The following HCN1 variants were observed in gnomAD, a reference collection of about 807,000 sequenced individuals.
The protein encoded by HCN1 is potassium/sodium hyperpolarization-activated cyclic nucleotide-gated channel 1.
In HCN1, 13 loss-of-function variants were observed where a neutral mutation model predicts 78.9. The ratio of observed to expected loss-of-function variants is 0.16; its 90% confidence interval spans 0.11 to 0.26. HCN1 has a LOEUF of 0.26. Among genes scored for constraint, HCN1 ranks in the 10% least tolerant of loss-of-function variants. The pLI, the probability that HCN1 is intolerant of heterozygous loss-of-function variation, is 1.00. For synonymous variants in HCN1, 552 were observed against 455.5 expected, an observed-to-expected ratio of 1.21 and a Z score of -2.70; for missense variants, 810 against 1,154.3, an observed-to-expected ratio of 0.70 and a Z score of 4.32.
chr5:45,690,069 C>T (rs1580052079), intron 1 of HCN1, among the ~76,000 whole-genome samples: 2 of 151,920 alleles, frequency 1.3e-5, no homozygotes, highest in Non-Finnish European at 2.9e-5. Flanking sequence ...GAGTAAGGTG[C>T]GAAGATGTTT....
intron 1 of HCN1, among the ~76,000 whole-genome samples, chr5:45,660,505 T>A (rs993745507): frequency 6.6e-6 from 1 of 150,628 alleles, no homozygotes; most frequent in Non-Finnish European, 1.5e-5. Flanking sequence ...AAACACAGAC[T>A]GGCAAGTTGG....
At chr5:45,300,168 T>A (rs1330959417) in intron 6 of HCN1, among the ~76,000 whole-genome samples, 1 of 152,158 alleles carries the variant, frequency 6.6e-6, no homozygotes, top group East Asian at 1.9e-4. Context: ...TTGTGCATAA[T>A]AACACTTCAA....
chr5:45,337,836 A>T (rs1191567991), intron 5 of HCN1, among the ~76,000 whole-genome samples: 1 of 152,172 alleles, frequency 6.6e-6, no homozygotes, highest in East Asian at 1.9e-4. Context: ...TGAGATTTGA[A>T]CAATAAGAAT....
chr5:45,268,613 G>A (rs2111849163), intron 6 of HCN1, among the ~76,000 whole-genome samples: 1 of 152,282 alleles, frequency 6.6e-6, no homozygotes, highest in Admixed American at 6.5e-5. Context: ...CAAACTCTGA[G>A]AATACTAGAG....
At chr5:45,276,943 A>G (rs1304229030) in intron 6 of HCN1, among the ~76,000 whole-genome samples, 1 of 152,070 alleles carries the variant, frequency 6.6e-6, no homozygotes. Context: ...ACAGGTTCAA[A>G]GAAAGGTTTG....
chr5:45,415,438 T>C (rs1740100699), intron 3 of HCN1, among the ~76,000 whole-genome samples: 1 of 151,978 alleles, frequency 6.6e-6, no homozygotes, highest in Non-Finnish European at 1.5e-5. Flanking sequence ...TCCTGAGCAA[T>C]ACTGCTTAAC....
chr5:45,570,636 C>G (rs1743808480), intron 2 of HCN1, among the ~76,000 whole-genome samples: 1 of 152,058 alleles, frequency 6.6e-6, no homozygotes. Flanking sequence ...TTGTATCCAA[C>G]CTAATTTTTA....
At chr5:45,607,624 T>A (rs1367069179) in intron 2 of HCN1, among the ~76,000 whole-genome samples, 1 of 150,076 alleles carries the variant, frequency 6.7e-6, no homozygotes, top group Non-Finnish European at 1.5e-5. Context: ...TATATCTAGA[T>A]ATATCTAGAG....
intron 2 of HCN1, among the ~76,000 whole-genome samples, chr5:45,524,001 A>G (rs376261947): frequency 7.2e-5 from 11 of 152,056 alleles, no homozygotes; most frequent in Non-Finnish European, 1.5e-4. Context: ...TAGGTCTAAC[A>G]TTTAAGTCTT....
At chr5:45,550,484 C>A (rs563329212) in intron 2 of HCN1, among the ~76,000 whole-genome samples, 1 of 151,906 alleles carries the variant, frequency 6.6e-6, no homozygotes, top group African/African-American at 2.4e-5. Context: ...CATCACACAC[C>A]GGTGCCTATT....
At chr5:45,376,160 T>G (rs1747650572) in intron 4 of HCN1, among the ~76,000 whole-genome samples, 1 of 92,606 alleles carries the variant, frequency 1.1e-5, no homozygotes, top group Admixed American at 1.4e-4. Context: ...TAATATAATA[T>G]TTTATAATAT....
chr5:45,498,497 T>C (rs1273678064), intron 2 of HCN1, among the ~76,000 whole-genome samples: 1 of 152,194 alleles, frequency 6.6e-6, no homozygotes, highest in East Asian at 1.9e-4. Context: ...CTAACTTTTT[T>C]CAAAGTTTTC....
intron 2 of HCN1, among the ~76,000 whole-genome samples, chr5:45,617,742 T>A (rs1466411879): frequency 6.7e-6 from 1 of 150,136 alleles, no homozygotes; most frequent in African/African-American, 2.4e-5. Context: ...GGAGAAATGT[T>A]TTCATATTGT....
intron 6 of HCN1, among the ~76,000 whole-genome samples, chr5:45,279,209 T>C (rs1487388333): frequency 6.6e-6 from 1 of 152,154 alleles, no homozygotes; most frequent in Non-Finnish European, 1.5e-5. Context: ...AAACTACATA[T>C]TATCTTTTAT....
intron 2 of HCN1, among the ~76,000 whole-genome samples, chr5:45,504,658 C>G (rs1579936765): frequency 6.6e-6 from 1 of 152,208 alleles, no homozygotes; most frequent in South Asian, 2.1e-4. Flanking sequence ...AGTTCTAGAT[C>G]CTTGAGGAAT....
intron 2 of HCN1, among the ~76,000 whole-genome samples, chr5:45,496,854 C>T (rs1364290464): frequency 6.6e-6 from 1 of 152,128 alleles, no homozygotes; most frequent in Non-Finnish European, 1.5e-5. Flanking sequence ...GCATAAATTT[C>T]CCTCTACACA....
rs554905324 is a variant in HCN1 at position 45,461,634 on chromosome 5, AACATAT to A, written c.1011+206_1011+211del. On this transcript the variant is annotated intron_variant, in intron 3 of 7. Transcript: ENST00000303230. ...TAAAATATATAAAAGTAGATGTTGT[AACATAT>A]ACATACTCAGGAACATAGTCAATTA... Among the ~76,000 whole-genome samples the A allele has an allele frequency of 1.4e-3, 219 of 152,264 alleles. 1 individual carries two copies. The highest frequency in any genetic ancestry group is 0.012 in the South Asian group (57 of 4,826).
intron 6 of HCN1, among the ~76,000 whole-genome samples, chr5:45,294,358 G>A (rs1745443164): frequency 6.6e-6 from 1 of 151,922 alleles, no homozygotes; most frequent in Non-Finnish European, 1.5e-5. Context: ...TCCCTTCACA[G>A]CTTGCGAAAT....
chr5:45,629,737 C>T (rs1040689007), intron 2 of HCN1, among the ~76,000 whole-genome samples: 9 of 152,080 alleles, frequency 5.9e-5, no homozygotes, highest in Non-Finnish European at 8.8e-5. Flanking sequence ...CTTATTATAT[C>T]ATACATTTAT....
Sources: allele counts gnomAD v4.1 joint callset (sites outside exome capture counted in the v4.1 genomes callset), GRCh38; gene constraint gnomAD v4.1.1; transcripts MANE v1.5; gene names NCBI Gene and HGNC (gene_info 2026-07-23, HGNC 2026-07-21).